Variants in FAM241A observed in about 807,000 individuals in gnomAD.
The protein encoded by FAM241A is family with sequence similarity 241 member A, also known as uncharacterized protein FAM241A.
A neutral mutation model predicts 12.2 loss-of-function variants in FAM241A; 7 were observed. The ratio of observed to expected loss-of-function variants is 0.58; its 90% confidence interval spans 0.33 to 1.08. FAM241A has a LOEUF of 1.08. FAM241A is among the 50% of genes least tolerant of loss of function. The pLI is 0.04. For missense variants in FAM241A, 161 were observed against 169.7 expected (o/e 0.95, Z 0.29); for synonymous variants, 74 against 68.2 (o/e 1.08, Z -0.42).
At chr4:112,182,802 A>G (rs1008348468) in intron 1 of FAM241A, among the ~76,000 whole-genome samples, 1 of 152,158 alleles carries the variant, frequency 6.6e-6, no homozygotes, top group African/African-American at 2.4e-5. Context: ...CCAACCCCCA[A>G]CAAAGCCCAT....
intron 1 of FAM241A, among the ~76,000 whole-genome samples, chr4:112,154,855 A>G (rs972772182): frequency 1.3e-5 from 2 of 151,972 alleles, no homozygotes; most frequent in African/African-American, 4.8e-5. Context: ...CAACATGGCG[A>G]AACCCCGCCT....
chr4:112,182,592 A>G (rs1254649682), intron 1 of FAM241A, among the ~76,000 whole-genome samples: 1 of 152,176 alleles, frequency 6.6e-6, no homozygotes, highest in Admixed American at 6.6e-5. Context: ...CTTTACCTCA[A>G]CTTATTTCAA....
intron 1 of FAM241A, among the ~76,000 whole-genome samples, chr4:112,165,858 A>G (rs1723584066): frequency 6.6e-6 from 1 of 152,324 alleles, no homozygotes; most frequent in South Asian, 2.1e-4. Flanking sequence ...CAACAGAGTG[A>G]TTGTTGTCAA....
chr4:112,163,519 T>G (rs111917601), intron 1 of FAM241A, among the ~76,000 whole-genome samples: 6 of 152,284 alleles, frequency 3.9e-5, no homozygotes, highest in African/African-American at 1.4e-4. Flanking sequence ...CAGACACTTC[T>G]CAAAAGAAGA....
chr4:112,168,159 A>G (rs933960590), intron 1 of FAM241A, among the ~76,000 whole-genome samples: 3 of 152,262 alleles, frequency 2.0e-5, no homozygotes, highest in Admixed American at 6.5e-5. Context: ...AACAACTAAT[A>G]TACTTTGTTA....
rs1724134150 is a variant in FAM241A at position 112,190,096 on chromosome 4, C to G, written c.*3158C>G. 6.6e-6 allele frequency: 1 copy of G among 152,004 alleles called. No homozygotes were observed. 9.4% of individuals were successfully genotyped at this position (152,004 alleles called of 1,614,324 possible). On this transcript the variant is annotated 3_prime_UTR_variant, in exon 2 of 2. Transcript: ENST00000309733. ...AATCTCTATTTAATCATGTTTTGAC[C>G]ACAGAAAATCTCTCTAGGCTGTCAC... is the stretch of plus-strand genomic sequence containing the variant.
chr4:112,148,956 T>C (rs562225663), intron 1 of FAM241A, among the ~76,000 whole-genome samples: 1 of 152,332 alleles, frequency 6.6e-6, no homozygotes, highest in South Asian at 2.1e-4. Context: ...CCATTATCCT[T>C]AGATTGACTT....
At chr4:112,178,225 A>T (rs1723862449) in intron 1 of FAM241A, among the ~76,000 whole-genome samples, 1 of 152,222 alleles carries the variant, frequency 6.6e-6, no homozygotes, top group African/African-American at 2.4e-5. Flanking sequence ...AGAATATGAT[A>T]TCTTACATGG....
intron 1 of FAM241A, among the ~76,000 whole-genome samples, chr4:112,183,275 A>AT (rs1723976858): frequency 1.3e-5 from 2 of 151,854 alleles, no homozygotes; most frequent in Non-Finnish European, 2.9e-5. Context: ...GTGTGCTTAA[A>AT]TTTTTTTATA....
At chr4:112,161,804 T>C (rs1358335081) in intron 1 of FAM241A, among the ~76,000 whole-genome samples, 2 of 152,206 alleles carry the variant, frequency 1.3e-5, no homozygotes, top group African/African-American at 4.8e-5. Context: ...TCCTAACTCA[T>C]TTTATGAGGC....
Position 112,179,933 on chromosome 4 carries a change from A to G in FAM241A, c.154-6760A>G, listed in dbSNP as rs1401221050. 2.7e-4 allele frequency among the ~76,000 whole-genome samples: 35 copies of G among 128,506 alleles called. No individual in the cohort carries two copies. In the East Asian group the frequency reaches 3.0e-3, roughly 11 times the overall value. 84.3% of individuals were successfully genotyped at this position (128,506 alleles called of 152,430 possible). ...AAATGTGATATATATATATATATAT[A>G]TATATGTATATGTGTGTGTGTGTGT... is the stretch of plus-strand genomic sequence containing the variant. On this transcript the variant is annotated intron_variant, in intron 1 of 1. Transcript: ENST00000309733.
At position 112,187,832 on chromosome 4, in the gene FAM241A, T is replaced by C. The variant is rs958333952; in HGVS notation, c.*894T>C. ...ACACTTATTCTGAGTTTTGAAACAA[T>C]GTATTTCCTATCTTGACATGGATTT... On this transcript the variant is annotated 3_prime_UTR_variant, in exon 2 of 2. Transcript: ENST00000309733. 1.3e-5 allele frequency: 2 copies of C among 152,456 alleles called. No homozygotes were observed. Among genetic ancestry groups the C allele is most frequent in the African/African-American group, 2.4e-5 (1 of 41,442 alleles). The allele number at this position is 152,456 out of a possible 1,614,324, so 9.4% of individuals were successfully genotyped here. A position where few individuals can be genotyped will look rare whatever the true frequency, so the allele number is the denominator to read the frequency against.
intron 1 of FAM241A, among the ~76,000 whole-genome samples, chr4:112,153,505 T>C (rs903440823): frequency 5.9e-5 from 9 of 152,330 alleles, no homozygotes; most frequent in African/African-American, 2.2e-4. Context: ...CTACTAGTTA[T>C]GTTTTATTTC....
chr4:112,182,756 A>C (rs2110434806), intron 1 of FAM241A, among the ~76,000 whole-genome samples: 1 of 152,294 alleles, frequency 6.6e-6, no homozygotes, highest in East Asian at 1.9e-4. Flanking sequence ...TGGAAATCAC[A>C]ACAGAATTGG....
chr4:112,165,678 T>A (rs147288334), intron 1 of FAM241A, among the ~76,000 whole-genome samples: 1 of 152,282 alleles, frequency 6.6e-6, no homozygotes, highest in East Asian at 1.9e-4. Flanking sequence ...TCGCATATTC[T>A]TACTTACTTG....
At position 112,188,744 on chromosome 4, in the gene FAM241A, TATG is replaced by T. The variant is rs1194917368; in HGVS notation, c.*1810_*1812del. The T allele has an allele frequency of 6.6e-6, 1 of 152,206 alleles. No individual in the cohort carries two copies. Among genetic ancestry groups the T allele is most frequent in the African/African-American group, 2.4e-5 (1 of 41,460 alleles). 9.4% of individuals were successfully genotyped at this position (152,206 alleles called of 1,614,324 possible). On this transcript the variant is annotated 3_prime_UTR_variant, in exon 2 of 2. Transcript: ENST00000309733. ...CTTTTCCTTTGCAACACATAAATGA[TATG>T]ATGTACAAAATAACAGCTCTGGTTC...
chr4:112,163,130 C>G (rs1455314912), intron 1 of FAM241A, among the ~76,000 whole-genome samples: 1 of 152,194 alleles, frequency 6.6e-6, no homozygotes, highest in Non-Finnish European at 1.5e-5. Flanking sequence ...AACTAGATCC[C>G]TTCCTTACAC....
At position 112,187,921 on chromosome 4, in the gene FAM241A, T is replaced by C. The variant is rs1724079509; in HGVS notation, c.*983T>C. 1 of 152,164 alleles carries C rather than the reference T, an allele frequency of 6.6e-6. No homozygotes were observed. The highest frequency in any genetic ancestry group is 6.5e-5 in the Admixed American group (1 of 15,274). 9.4% of individuals were successfully genotyped at this position (152,164 alleles called of 1,614,324 possible). The stretch of plus-strand genomic sequence containing the variant: ...AAAAAATCAGATCATTTTTCTTTGA[T>C]ATCTATATCAGAAAGGTACAATATT... On this transcript the variant is annotated 3_prime_UTR_variant, in exon 2 of 2. Transcript: ENST00000309733.
At chr4:112,171,161 C>T in intron 1 of FAM241A, 1 of 493,458 alleles carries the variant, frequency 2.0e-6, no homozygotes, top group South Asian at 1.8e-5. Context: ...ACCACAAAAC[C>T]ATTTTAAAAT....
Sources: allele counts gnomAD v4.1 joint callset (sites outside exome capture counted in the v4.1 genomes callset), GRCh38; gene constraint gnomAD v4.1.1; transcripts MANE v1.5; gene names NCBI Gene and HGNC (gene_info 2026-07-23, HGNC 2026-07-21).